Variants in NRG1 observed in about 807,000 individuals in gnomAD.
NRG1 encodes neuregulin 1, also known as pro-neuregulin-1, membrane-bound isoform.
In NRG1, 18 loss-of-function variants were observed where a neutral mutation model predicts 63.8. That is an observed-to-expected ratio of 0.28 (90% CI 0.19 to 0.42). The LOEUF is 0.42. Among genes scored for constraint, NRG1 ranks in the 10% least tolerant of loss-of-function variants. The probability of loss-of-function intolerance (pLI) is 1.00; values close to 1 mark genes in which losing one functional copy is unlikely to be tolerated. For synonymous variants in NRG1, 302 were observed against 301.3 expected (o/e 1.00, Z -0.02); for missense variants, 762 against 814.7 (o/e 0.94, Z 0.79).
chr8:32,376,053 T>A (rs547722736), intron 1 of NRG1, among the ~76,000 whole-genome samples: 31 of 152,242 alleles, frequency 2.0e-4, no homozygotes, highest in Admixed American at 6.5e-4. Context: ...TTTTATGGAA[T>A]AATCATATTT....
intron 1 of NRG1, among the ~76,000 whole-genome samples, chr8:32,105,080 A>T (rs1831086384): frequency 6.6e-6 from 1 of 152,184 alleles, no homozygotes; most frequent in Admixed American, 6.5e-5. Flanking sequence ...TGCAGTAGGT[A>T]TGTTTACGCT....
intron 5 of NRG1, among the ~76,000 whole-genome samples, chr8:32,694,341 AATTT>A (rs575729730): frequency 1.1e-3 from 171 of 152,228 alleles, no homozygotes; most frequent in African/African-American, 4.0e-3. Flanking sequence ...TAAGTGTTCC[AATTT>A]AAGTGTGTTT....
chr8:32,233,833 G>A (rs1447692011), intron 1 of NRG1, among the ~76,000 whole-genome samples: 2 of 151,968 alleles, frequency 1.3e-5, no homozygotes, highest in Non-Finnish European at 2.9e-5. Context: ...CCAAAGTGCT[G>A]GGATTACAGG....
At position 32,524,625 on chromosome 8, in the gene NRG1, C is replaced by T. The variant is rs140919211; in HGVS notation, c.38-71203C>T. On this transcript the variant is annotated intron_variant, in intron 1 of 10. Transcript: ENST00000519301. ...GTATCATGGGTCTAAAACCAGACAC[C>T]GGTTTTTCCTCCAGCAATTCTTCTG... 2.2e-3 allele frequency among the ~76,000 whole-genome samples: 337 copies of T among 152,156 alleles called. 5 individuals are homozygous for T. Among genetic ancestry groups the T allele is most frequent in the East Asian group, 9.7e-4 (5 of 5,166 alleles).
intron 5 of NRG1, among the ~76,000 whole-genome samples, chr8:32,727,597 C>T (rs1564045391): frequency 2.6e-5 from 4 of 152,178 alleles, no homozygotes; most frequent in Admixed American, 2.0e-4. Context: ...ACTGACATGA[C>T]TTTATACCAT....
At chr8:31,892,433 C>T (rs1160951707) in intron 1 of NRG1, among the ~76,000 whole-genome samples, 2 of 152,064 alleles carry the variant, frequency 1.3e-5, no homozygotes, top group Non-Finnish European at 2.9e-5. Context: ...GATAACTTCA[C>T]AATCTCCGCA....
intron 1 of NRG1, among the ~76,000 whole-genome samples, chr8:32,587,605 G>A (rs1841843963): frequency 6.6e-6 from 1 of 152,104 alleles, no homozygotes; most frequent in Non-Finnish European, 1.5e-5. Context: ...TGGGGCCTCT[G>A]GAATCATTTT....
In NRG1 at chr8:32,589,773, A is replaced by G. The variant is rs575598506; in HGVS notation, c.101-6055A>G. 5.9e-5 allele frequency among the ~76,000 whole-genome samples: 9 copies of G among 152,322 alleles called. 1 individual carries two copies. The South Asian group carries it at 1.9e-3, about 32-fold the overall frequency. ...TATAGCTGCACGAATAATATTTGAA[A>G]AATAAGGGCACAGTAGATGATCAAA... On this transcript the variant is annotated intron_variant, in intron 1 of 11. Transcript: ENST00000356819.
chr8:32,172,749 G>A (rs1040924554), intron 1 of NRG1, among the ~76,000 whole-genome samples: 7 of 152,186 alleles, frequency 4.6e-5, no homozygotes, highest in African/African-American at 1.4e-4. Flanking sequence ...AGTGATGGAA[G>A]ATGAAATGAA....
intron 5 of NRG1, among the ~76,000 whole-genome samples, chr8:32,662,063 A>T (rs948600737): frequency 2.6e-5 from 4 of 152,214 alleles, no homozygotes; most frequent in Non-Finnish European, 5.9e-5. Context: ...TATCCCAGTT[A>T]TACTGATTTG....
At position 32,658,090 on chromosome 8, in the gene NRG1, A is replaced by G. The variant is rs147900941; in HGVS notation, c.502+41205A>G. Among the ~76,000 whole-genome samples the G allele has an allele frequency of 8.3e-3, 1,260 of 152,314 alleles. 6 individuals are homozygous for G. Among genetic ancestry groups the G allele is most frequent in the Middle Eastern group, 0.024 (7 of 294 alleles). On this transcript the variant is annotated intron_variant, in intron 5 of 11. Coordinates refer to ENST00000356819, the Ensembl canonical transcript of NRG1. ...CCCTGACCAGTAACTTTAGTCTTGCATGAATATGATCCTTATAATCTTAAT... is the reference window on the plus strand; with the variant it reads ...CCCTGACCAGTAACTTTAGTCTTGCGTGAATATGATCCTTATAATCTTAAT...
intron 1 of NRG1, among the ~76,000 whole-genome samples, chr8:32,029,166 AAC>A (rs1282236246): frequency 6.6e-6 from 1 of 152,200 alleles, no homozygotes; most frequent in African/African-American, 2.4e-5. Context: ...ATTTTTCTCT[AAC>A]ACATTTTTCT....
At chr8:32,282,036 C>T (rs921338131) in intron 1 of NRG1, among the ~76,000 whole-genome samples, 11 of 152,260 alleles carry the variant, frequency 7.2e-5, no homozygotes, top group East Asian at 5.8e-4. Flanking sequence ...AAACTTACAC[C>T]GCTCACAGAG....
At chr8:32,119,039 G>A (rs2131531662) in intron 1 of NRG1, among the ~76,000 whole-genome samples, 1 of 152,166 alleles carries the variant, frequency 6.6e-6, no homozygotes, top group East Asian at 1.9e-4. Flanking sequence ...AATTTATTGA[G>A]CTCATAAATT....
intron 1 of NRG1, among the ~76,000 whole-genome samples, chr8:32,185,117 C>T (rs1841839796): frequency 6.6e-6 from 1 of 152,130 alleles, no homozygotes; most frequent in Non-Finnish European, 1.5e-5. Context: ...GTTCTTACTC[C>T]ACACTCCCGT....
intron 1 of NRG1, among the ~76,000 whole-genome samples, chr8:32,120,743 T>C (rs1833341907): frequency 6.6e-6 from 1 of 152,000 alleles, no homozygotes; most frequent in Non-Finnish European, 1.5e-5. Flanking sequence ...CAAGGACAAA[T>C]GTTGGTTGTC....
intron 1 of NRG1, among the ~76,000 whole-genome samples, chr8:32,452,988 A>G (rs1821150821): frequency 6.6e-6 from 1 of 152,156 alleles, no homozygotes; most frequent in South Asian, 2.1e-4. Context: ...TCCATTTTAG[A>G]ATGCCACTCT....
At chr8:32,625,881 C>A (rs1849166155) in intron 5 of NRG1, among the ~76,000 whole-genome samples, 1 of 149,026 alleles carries the variant, frequency 6.7e-6, no homozygotes, top group Non-Finnish European at 1.5e-5. Context: ...GCAACCTCGG[C>A]CTCCCGGGTT....
chr8:32,065,682 A>G (rs1333278050), intron 1 of NRG1, among the ~76,000 whole-genome samples: 1 of 152,118 alleles, frequency 6.6e-6, no homozygotes, highest in Non-Finnish European at 1.5e-5. Flanking sequence ...ATGATTTATA[A>G]TCCTTTGGGT....
Sources: gnomAD v4.1 joint callset for allele counts (sites outside exome capture counted in the v4.1 genomes callset) on GRCh38, gnomAD v4.1.1 for gene constraint, MANE v1.5 for transcripts, NCBI Gene and HGNC (gene_info 2026-07-23, HGNC 2026-07-21) for gene names.